Variants in STK3 observed in about 807,000 individuals in gnomAD.
The protein encoded by STK3 is serine/threonine-protein kinase 3.
A neutral mutation model predicts 58.0 loss-of-function variants in STK3; 41 were observed. The ratio of observed to expected loss-of-function variants is 0.71; its 90% CI spans 0.55 to 0.92. The LOEUF is 0.92. STK3 is among the 40% of genes least tolerant of loss of function. The pLI, the probability that STK3 is intolerant of heterozygous loss-of-function variation, is 0.00. For synonymous variants in STK3, 170 were observed against 191.0 expected (o/e 0.89, Z 0.91); for missense variants, 479 against 602.7 (o/e 0.79, Z 2.15).
chr8:98,605,147 G>C, intron 6 of STK3, among the ~76,000 whole-genome samples: 1 of 151,994 alleles, frequency 6.6e-6, no homozygotes, highest in East Asian at 1.9e-4. Context: ...GTCTTCTTAT[G>C]AGCCCTCCAT....
intron 3 of STK3, among the ~76,000 whole-genome samples, chr8:98,414,717 T>C (rs541539687): frequency 1.5e-3 from 229 of 152,372 alleles, no homozygotes; most frequent in Non-Finnish European, 2.5e-3. Context: ...GGATTGGTCA[T>C]GTGACTGTGT....
At chr8:98,652,014 C>G (rs1363717731) in intron 6 of STK3, among the ~76,000 whole-genome samples, 1 of 151,928 alleles carries the variant, frequency 6.6e-6, no homozygotes, top group Non-Finnish European at 1.5e-5. Context: ...AAGAGCAACT[C>G]CAAGACACAT....
intron 10 of STK3, among the ~76,000 whole-genome samples, chr8:98,491,784 C>A (rs1448572573): frequency 6.6e-6 from 1 of 152,128 alleles, no homozygotes; most frequent in Non-Finnish European, 1.5e-5. Context: ...CTAAAAATGG[C>A]ATATAAAGCC....
At chr8:98,842,379 C>T (rs1179669815) in intron 3 of STK3, among the ~76,000 whole-genome samples, 1 of 152,104 alleles carries the variant, frequency 6.6e-6, no homozygotes, top group Non-Finnish European at 1.5e-5. Flanking sequence ...GGTGGCAAAA[C>T]ATGGAATAAA....
chr8:98,510,923 T>C (rs1401520296), intron 10 of STK3, among the ~76,000 whole-genome samples: 1 of 151,870 alleles, frequency 6.6e-6, no homozygotes, highest in Non-Finnish European at 1.5e-5. Flanking sequence ...TAAAGGGAGG[T>C]GAAAGGCACA....
intron 8 of STK3, among the ~76,000 whole-genome samples, chr8:98,577,034 C>T (rs1376992728): frequency 6.6e-6 from 1 of 152,124 alleles, no homozygotes; most frequent in Non-Finnish European, 1.5e-5. Flanking sequence ...TGTCATAATG[C>T]TTTCTTATCA....
At chr8:98,748,817 T>C (rs925460395) in intron 4 of STK3, among the ~76,000 whole-genome samples, 1 of 151,866 alleles carries the variant, frequency 6.6e-6, no homozygotes, top group Non-Finnish European at 1.5e-5. Context: ...CTGACAATAT[T>C]TGGGAAAATA....
chr8:98,740,966 T>G (rs1408242232), intron 4 of STK3, among the ~76,000 whole-genome samples: 2 of 152,146 alleles, frequency 1.3e-5, no homozygotes, highest in Non-Finnish European at 2.9e-5. Flanking sequence ...TAAAACAGAC[T>G]TTAAACCAAC....
chr8:98,872,848 C>T (rs1405011503), intron 3 of STK3, among the ~76,000 whole-genome samples: 1 of 152,150 alleles, frequency 6.6e-6, no homozygotes, highest in Admixed American at 6.5e-5. Flanking sequence ...CTTAGTTCTG[C>T]TCTGATCTTA....
At chr8:98,502,140 C>G (rs1194437532) in intron 10 of STK3, among the ~76,000 whole-genome samples, 2 of 152,160 alleles carry the variant, frequency 1.3e-5, no homozygotes, top group African/African-American at 4.8e-5. Context: ...AAGTTGGATT[C>G]CTAGGTATTT....
intron 10 of STK3, among the ~76,000 whole-genome samples, chr8:98,463,869 A>C (rs1470786867): frequency 6.6e-6 from 1 of 152,180 alleles, no homozygotes; most frequent in Non-Finnish European, 1.5e-5. Flanking sequence ...TCAAGACCTA[A>C]TGATTCTATG....
At chr8:98,644,427 G>A (rs1460239194) in intron 6 of STK3, among the ~76,000 whole-genome samples, 3 of 152,076 alleles carry the variant, frequency 2.0e-5, no homozygotes, top group Admixed American at 2.0e-4. Flanking sequence ...GGCATCCATT[G>A]TATTGAATGC....
chr8:98,875,703 C>T (rs1010286448), intron 3 of STK3: 4 of 152,200 alleles, frequency 2.6e-5, no homozygotes, highest in Non-Finnish European at 2.9e-5. Context: ...ACCTTGAACA[C>T]AAGACACAGT....
At chr8:98,609,936 C>T (rs1026312587) in intron 6 of STK3, among the ~76,000 whole-genome samples, 2 of 149,378 alleles carry the variant, frequency 1.3e-5, no homozygotes, top group African/African-American at 2.5e-5. Flanking sequence ...CACCGCACTC[C>T]AGCCTGGGTG....
chr8:98,617,121 C>G (rs1817807583), intron 6 of STK3, among the ~76,000 whole-genome samples: 2 of 151,702 alleles, frequency 1.3e-5, no homozygotes, highest in African/African-American at 4.8e-5. Context: ...TCTCTCAGAC[C>G]ACAGTGCAAT....
intron 3 of STK3, among the ~76,000 whole-genome samples, chr8:98,850,019 A>G (rs1836386092): frequency 6.6e-6 from 1 of 152,152 alleles, no homozygotes; most frequent in African/African-American, 2.4e-5. Flanking sequence ...TTATCTCTTT[A>G]TCACTTTTAT....
intron 6 of STK3, among the ~76,000 whole-genome samples, chr8:98,700,348 C>T (rs566843437): frequency 2.0e-4 from 31 of 152,362 alleles, no homozygotes; most frequent in African/African-American, 7.2e-4. Flanking sequence ...CCTGCTTCGG[C>T]TCGCGCACGG....
At chr8:98,465,236 T>G (rs11985685) in intron 10 of STK3, among the ~76,000 whole-genome samples, 2 of 152,126 alleles carry the variant, frequency 1.3e-5, no homozygotes, top group African/African-American at 4.8e-5. Context: ...TGATCCACCC[T>G]AGGTCTCTCA....
At chr8:98,506,228 G>A (rs1824063173) in intron 10 of STK3, among the ~76,000 whole-genome samples, 1 of 152,240 alleles carries the variant, frequency 6.6e-6, no homozygotes, top group Non-Finnish European at 1.5e-5. Flanking sequence ...TAATCTCCTG[G>A]TGTGCCTTCT....
Sources: allele counts gnomAD v4.1 joint callset (sites outside exome capture counted in the v4.1 genomes callset), GRCh38; gene constraint gnomAD v4.1.1; transcripts MANE v1.5; gene names NCBI Gene and HGNC (gene_info 2026-07-23, HGNC 2026-07-21).